The following AHCY variants were observed in gnomAD, a reference collection of about 807,000 sequenced individuals.
AHCY encodes the protein adenosylhomocysteinase.
A neutral mutation model predicts 45.4 loss-of-function variants in AHCY; 24 were observed. The observed-to-expected ratio is 0.53, with a 90% CI of 0.38 to 0.74. AHCY has a LOEUF of 0.74. Among genes scored for constraint, AHCY ranks in the 30% least tolerant of loss-of-function variants. The pLI is 0.00. For synonymous variants in AHCY, 245 were observed against 235.1 expected, an observed-to-expected ratio of 1.04 and a Z score of -0.39; for missense variants, 449 against 594.1, an observed-to-expected ratio of 0.76 and a Z score of 2.54.
chr20:34,306,079 C>CAAAAAAAAAA (rs56039506), upstream of AHCY, among the ~76,000 whole-genome samples: 5 of 103,096 alleles, frequency 4.8e-5, no homozygotes, highest in African/African-American at 6.9e-5. Context: ...AAGACTGCCT[C>CAAAAAAAAAA]AAAAAAAAAA....
At chr20:34,277,711 C>T (rs941397175), downstream of AHCY, among the ~76,000 whole-genome samples, 3 of 145,244 alleles carry the variant, frequency 2.1e-5, no homozygotes, top group African/African-American at 5.2e-5. Context: ...GCCGAGATCG[C>T]GCCACTGCAC....
At chr20:34,253,309 T>C in the AHCY span, among the ~76,000 whole-genome samples, 1 of 151,696 alleles carries the variant, frequency 6.6e-6, no homozygotes, top group Non-Finnish European at 1.5e-5. Context: ...GGTTTCACCA[T>C]GTTAGCCAGG....
At chr20:34,232,160 AAAGC>A in the AHCY span, among the ~76,000 whole-genome samples, 1 of 152,224 alleles carries the variant, frequency 6.6e-6, no homozygotes, top group Non-Finnish European at 1.5e-5. Context: ...CATTTTATAG[AAAGC>A]AGTAAGTGAG....
At chr20:34,297,429 C>G (rs1320265553) in intron 1 of AHCY, among the ~76,000 whole-genome samples, 1 of 152,028 alleles carries the variant, frequency 6.6e-6, no homozygotes, top group Non-Finnish European at 1.5e-5. Flanking sequence ...TCCCCAATAG[C>G]TGGGATTACA....
chr20:34,251,942 T>C, the AHCY span, among the ~76,000 whole-genome samples: 1 of 152,234 alleles, frequency 6.6e-6, no homozygotes, highest in African/African-American at 2.4e-5. Flanking sequence ...TTCCGTTGTT[T>C]AGAAACCACC....
At position 34,290,395 on chromosome 20, in the gene AHCY, G is replaced by A. The variant is rs202120506; in HGVS notation, c.909C>T (p.Asp303=). The A allele has an allele frequency of 4.3e-6, 7 of 1,614,050 alleles. No homozygotes were observed. Among genetic ancestry groups the A allele is most frequent in the Non-Finnish European group, 5.9e-6 (7 of 1,180,046 alleles). Residue 303 remains aspartate (D), a synonymous_variant, in exon 8 of 10, where the codon GAC becomes GAT. Coordinates refer to ENST00000217426, the MANE Select transcript of AHCY (RefSeq NM_000687.4). This position sits in a 1 kb window ranked among gnomAD's most constrained non-coding sequence, Gnocchi z 4.5. Reference sequence around the variant, plus strand: ...TGAGCCACTTGACATCGATCTCCACGTCAAAGTGTCCAATGTTACACACAA... The same window carrying A: ...TGAGCCACTTGACATCGATCTCCACATCAAAGTGTCCAATGTTACACACAA... ...DAIVCNIGHF[D]VEIDVKWLNE... is the part of the protein sequence containing the mutation.
the AHCY span, among the ~76,000 whole-genome samples, chr20:34,256,979 A>G: frequency 6.6e-6 from 1 of 150,996 alleles, no homozygotes; most frequent in African/African-American, 2.4e-5. Context: ...TTCCCACCAC[A>G]TTCCACCACA....
intron 1 of AHCY, chr20:34,311,409 C>A (rs910735298): frequency 1.3e-5 from 2 of 152,202 alleles, no homozygotes; most frequent in African/African-American, 4.8e-5. Context: ...GAGCTTCTGG[C>A]GGGAAGGTCG....
chr20:34,281,306 AC>A, intron 9 of AHCY, 141 bp from the exon 10 acceptor site: 1 of 1,332,584 alleles, frequency 7.5e-7, no homozygotes, highest in Non-Finnish European at 1.0e-6. Context: ...CTATCCTCAC[AC>A]CCAGCCTCAG....
chr20:34,307,725 G>T (rs945153533), upstream of AHCY, among the ~76,000 whole-genome samples: 2 of 152,222 alleles, frequency 1.3e-5, no homozygotes, highest in Non-Finnish European at 2.9e-5. Flanking sequence ...AAAATAAAAG[G>T]TTTAATTACA....
upstream of AHCY, among the ~76,000 whole-genome samples, chr20:34,306,526 A>G (rs1410590796): frequency 6.6e-6 from 1 of 151,626 alleles, no homozygotes; most frequent in Non-Finnish European, 1.5e-5. Context: ...ACGCTCCCAC[A>G]CCCGGATAAT....
intron 1 of AHCY, 152 bp downstream of exon 1, chr20:34,303,091 A>G (rs1265234949): frequency 6.8e-7 from 1 of 1,469,800 alleles, no homozygotes; most frequent in African/African-American, 1.4e-5. Context: ...CGAGAACTCC[A>G]ACTTCCAGCT....
downstream of AHCY, among the ~76,000 whole-genome samples, chr20:34,279,251 A>G (rs558522582): frequency 6.7e-6 from 1 of 148,824 alleles, no homozygotes; most frequent in Non-Finnish European, 1.5e-5. Context: ...CATCTCTACT[A>G]AAAAAAAATA....
At chr20:34,236,752 G>A in the AHCY span, among the ~76,000 whole-genome samples, 7 of 152,134 alleles carry the variant, frequency 4.6e-5, no homozygotes, top group Admixed American at 3.3e-4. Flanking sequence ...CTGATACGAA[G>A]GCAGCTGAAG....
the AHCY span, among the ~76,000 whole-genome samples, chr20:34,241,311 T>C: frequency 6.6e-6 from 1 of 152,248 alleles, no homozygotes; most frequent in African/African-American, 2.4e-5. Context: ...CTATTTTCAC[T>C]GTGGATCTGA....
At chr20:34,297,505 C>T (rs2036613303) in intron 1 of AHCY, among the ~76,000 whole-genome samples, 1 of 151,938 alleles carries the variant, frequency 6.6e-6, no homozygotes, top group African/African-American at 2.4e-5. Flanking sequence ...ACCATGTTGG[C>T]CAGGCTGATC....
intron 2 of AHCY, 140 bp from the exon 3 acceptor site, chr20:34,294,296 G>A: frequency 1.2e-6 from 1 of 812,930 alleles, no homozygotes; most frequent in Non-Finnish European, 2.1e-6. Context: ...ATCACAGGCT[G>A]GGGATGCTGG....
chr20:34,281,482 T>C (rs2035999726), intron 9 of AHCY: 1 of 391,696 alleles, frequency 2.6e-6, no homozygotes, highest in African/African-American at 2.1e-5. Context: ...ACAGGACATA[T>C]TTTCCATGAC....
chr20:34,246,192 C>T, the AHCY span: 1 of 1,337,382 alleles, frequency 7.5e-7, no homozygotes, highest in Non-Finnish European at 1.0e-6. Flanking sequence ...GGAATTTTGG[C>T]CTTAGTAAGC....
Sources: allele counts gnomAD v4.1 joint callset (sites outside exome capture counted in the v4.1 genomes callset), GRCh38; gene constraint gnomAD v4.1.1; non-coding constraint Gnocchi (gnomAD v3.1); transcripts MANE v1.5; gene names NCBI Gene and HGNC (gene_info 2026-07-23, HGNC 2026-07-21).